Variants in HSP90B1 observed in about 807,000 individuals in gnomAD.
HSP90B1 encodes the protein heat shock protein 90 beta family member 1, also known as endoplasmin.
In HSP90B1, 27 loss-of-function variants were observed where a neutral mutation model predicts 100.4. The ratio of observed to expected loss-of-function variants is 0.27; its 90% CI spans 0.20 to 0.37. The LOEUF (loss-of-function observed/expected upper bound fraction) is 0.37. Among genes scored for constraint, HSP90B1 ranks in the 10% least tolerant of loss-of-function variants. The pLI is 1.00. For missense variants in HSP90B1, 678 were observed against 960.5 expected (o/e 0.71, Z 3.89); for synonymous variants, 304 against 330.8 (o/e 0.92, Z 0.88).
At position 103,932,857 on chromosome 12, in the gene HSP90B1, C is replaced by A; in HGVS notation, c.326C>A (p.Ser109Tyr). 6.2e-7 allele frequency: 1 copy of A among 1,601,464 alleles called. No individual in the cohort carries two copies. Residue 109 changes from serine (S) to tyrosine (Y), a missense_variant, in exon 4 of 18, where the codon TCT becomes TAT. Transcript: ENST00000299767. ...IFLRELISNA[S>Y]DALDKIRLIS... ...CTGAGAGAACTGATTTCAAATGCTT[C>A]TGATGCTTTAGATAAGATAAGGCTA... is the stretch of plus-strand genomic sequence containing the variant.
At position 103,930,626 on chromosome 12, in the gene HSP90B1, C is replaced by T. The variant is rs994228636; in HGVS notation, c.49+62C>T. On this transcript the variant is annotated intron_variant, in intron 1 of 17. Coordinates refer to ENST00000299767, the MANE Select transcript of HSP90B1 (RefSeq NM_003299.3). The surrounding 1 kb of genome is among the most constrained non-coding windows in gnomAD (Gnocchi z 4.4). ...CACACGCGGCCGCTTCTCGAAGGTC[C>T]TGGGGGCGTTGAACGTGGGAGGGGG... 3 of 1,528,460 alleles carry T rather than the reference C, an allele frequency of 2.0e-6. No individual in the cohort carries two copies. Among genetic ancestry groups the T allele is most frequent in the Non-Finnish European group, 2.7e-6 (3 of 1,127,248 alleles). 94.7% of individuals were successfully genotyped at this position (1,528,460 alleles called of 1,614,324 possible).
chr12:103,932,907 C>T lies in HSP90B1; in HGVS notation c.376C>T (p.Leu126Phe), dbSNP rs368880453. ...RLISLTDENA[L>F]SGNEELTVKI... The stretch of plus-strand genomic sequence containing the variant: ...AATATCACTGACTGATGAAAATGCT[C>T]TTTCTGGAAATGAGGAACTAACAGT... The change falls in exon 4 of 18, where the codon CTT becomes TTT. Residue 126 changes from leucine (L) to phenylalanine (F), a missense_variant. Physicochemically the swap from Leu to Phe is conservative, Grantham distance 22. Transcript: ENST00000299767. 3 of 1,597,100 alleles carry T rather than the reference C, an allele frequency of 1.9e-6. No individual in the cohort carries two copies. The highest frequency in any genetic ancestry group is 2.2e-5 in the East Asian group (1 of 44,780).
Position 103,930,438 on chromosome 12 carries a change from G to T in HSP90B1, c.-78G>T. On this transcript the variant is annotated 5_prime_UTR_variant, in exon 1 of 18. Transcript: ENST00000299767. This position sits in a 1 kb window ranked among gnomAD's most constrained non-coding sequence, Gnocchi z 4.4. ...GGGCGGACCGCGCGGCTGGAGGTGT[G>T]AGGATCCGAACCCAGGGGTGGGGGG... The T allele has an allele frequency of 7.1e-7, 1 of 1,399,410 alleles. No homozygotes were observed. Among genetic ancestry groups the T allele is most frequent in the Non-Finnish European group, 9.7e-7 (1 of 1,030,198 alleles). 86.7% of individuals were successfully genotyped at this position (1,399,410 alleles called of 1,614,324 possible).
In HSP90B1 at chr12:103,947,824, AT is replaced by A. The variant is rs545777688; in HGVS notation, c.*170del. 46 of 678,256 alleles carry A rather than the reference AT, an allele frequency of 6.8e-5. No homozygotes were observed. The highest frequency in any genetic ancestry group is 4.8e-4 in the Middle Eastern group (2 of 4,130). 42.0% of individuals were successfully genotyped at this position (678,256 alleles called of 1,614,324 possible). ...AGGAAAAAGTGGGTTTTTTAGTTGA[AT>A]TTTTTTTAACATTCCTCATGAATGT... On this transcript the variant is annotated 3_prime_UTR_variant, in exon 18 of 18. Transcript: ENST00000299767.
Position 103,934,204 on chromosome 12 carries a change from G to A in HSP90B1, c.660G>A (p.Gln220=). 1 of 1,614,180 alleles carries A rather than the reference G, an allele frequency of 6.2e-7. No individual in the cohort carries two copies. The highest frequency in any genetic ancestry group is 2.2e-5 in the East Asian group (1 of 44,884). Residue 220 remains glutamine (Q), a synonymous_variant, in exon 5 of 18, where the codon CAG becomes CAA. Coordinates refer to ENST00000299767, the MANE Select transcript of HSP90B1 (RefSeq NM_003299.3). ...CTTCAAAACACAACAACGATACCCA[G>A]CACATCTGGGAGTCTGACTCCAATG... ...IVTSKHNNDT[Q]HIWESDSNEF...
At chr12:103,935,276 A>G (rs1057157779) in intron 5 of HSP90B1, among the ~76,000 whole-genome samples, 6 of 152,228 alleles carry the variant, frequency 3.9e-5, no homozygotes, top group African/African-American at 1.4e-4. Context: ...TGTATGGGTG[A>G]GACAGAGCCA....
Position 103,931,628 on chromosome 12 carries a change from G to T in HSP90B1, c.152+5G>T. Reference sequence around the variant, plus strand: ...GGATGATGAAGTAGTACAGAGGTTTGTGTTCATTTGAACTTACGTATACAG... The same window carrying T: ...GGATGATGAAGTAGTACAGAGGTTTTTGTTCATTTGAACTTACGTATACAG... On this transcript the variant is annotated splice_donor_5th_base_variant and intron_variant, in intron 2 of 17. Coordinates refer to ENST00000299767, the MANE Select transcript of HSP90B1 (RefSeq NM_003299.3). The T allele has an allele frequency of 6.2e-7, 1 of 1,600,562 alleles. No individual in the cohort carries two copies. Among genetic ancestry groups the T allele is most frequent in the Non-Finnish European group, 8.6e-7 (1 of 1,168,124 alleles).
In HSP90B1 at chr12:103,932,927, A is replaced by C. The variant is rs756198804; in HGVS notation, c.396A>C (p.Leu132=). The C allele has an allele frequency of 1.9e-6, 3 of 1,546,632 alleles. No individual in the cohort carries two copies. Among genetic ancestry groups the C allele is most frequent in the African/African-American group, 2.7e-5 (2 of 73,562 alleles). The change falls in exon 4 of 18, where the codon CTA becomes CTC. Residue 132 remains leucine (L), a synonymous_variant. Transcript: ENST00000299767. ...ATGCTCTTTCTGGAAATGAGGAACT[A>C]ACAGTCAAAATTAAGGTAAGTGTAA... The part of the protein sequence containing the change: ...DENALSGNEE[L]TVKIKCDKEK...
Position 103,946,850 on chromosome 12 carries a change from G to A in HSP90B1, c.2171G>A (p.Arg724Gln), listed in dbSNP as rs760632547. 26 of 1,613,902 alleles carry A rather than the reference G, an allele frequency of 1.6e-5. No homozygotes were observed. The highest frequency in any genetic ancestry group is 3.3e-5 in the South Asian group (3 of 91,072). Reference sequence around the variant, plus strand: ...GTTTTGTTTGAAACAGCAACGCTTCGGTCAGGGTATCTTTTACCAGACACT... The same window carrying A: ...GTTTTGTTTGAAACAGCAACGCTTCAGTCAGGGTATCTTTTACCAGACACT... The part of the protein sequence containing the change: ...AVVLFETATL[R>Q]SGYLLPDTKA... The change falls in exon 16 of 18, where the codon CGG (arginine) becomes CAG (glutamine). Residue 724 changes from arginine to glutamine, a missense_variant. Arg to Gln is a conservative substitution (Grantham distance 43). Transcript: ENST00000299767.
intron 11 of HSP90B1, 42 bp from the exon 12 acceptor site, chr12:103,942,485 G>T: frequency 6.3e-7 from 1 of 1,585,356 alleles, no homozygotes; most frequent in South Asian, 1.1e-5. Context: ...TCAAAAGTTG[G>T]AGATTAACTT....
chr12:103,933,849 T>G, intron 4 of HSP90B1, 107 bp from the exon 5 acceptor site: 1 of 805,044 alleles, frequency 1.2e-6, no homozygotes, highest in South Asian at 1.8e-5. Flanking sequence ...CTCAGTTTAG[T>G]TTTCTGTATT....
chr12:103,941,287 G>C (rs1566167050), intron 8 of HSP90B1, 123 bp from the exon 9 acceptor site: 2 of 959,170 alleles, frequency 2.1e-6, no homozygotes, highest in African/African-American at 3.3e-5. Context: ...CCTCCCGCCA[G>C]TAAAGGAAAA....
chr12:103,938,944 A>G (rs1869998078), intron 7 of HSP90B1, among the ~76,000 whole-genome samples: 1 of 152,238 alleles, frequency 6.6e-6, no homozygotes, highest in African/African-American at 2.4e-5. Context: ...TTTTCAAGAA[A>G]CATTTTTGCT....
intron 10 of HSP90B1, 44 bp downstream of exon 10, chr12:103,941,750 T>A (rs769402412): frequency 6.2e-7 from 1 of 1,601,368 alleles, no homozygotes; most frequent in East Asian, 2.2e-5. Flanking sequence ...GTTGTGGGGG[T>A]CTGGCAGTGT....
intron 7 of HSP90B1, 85 bp downstream of exon 7, chr12:103,938,544 T>C: frequency 1.4e-6 from 2 of 1,461,428 alleles, no homozygotes; most frequent in Non-Finnish European, 1.8e-6. Context: ...ACTGGCTGAT[T>C]TGAAGTCAGC....
chr12:103,939,394 C>T lies in HSP90B1; in HGVS notation c.976-115C>T, dbSNP rs1279921605. ...CTAGGATTACAGGCGTGAGCCACCA[C>T]ACCAGTCCTCTGGGTCTTTACATAG... On this transcript the variant is annotated intron_variant, in intron 7 of 17. Transcript: ENST00000299767. 7.3e-6 allele frequency: 4 copies of T among 545,188 alleles called. No individual in the cohort carries two copies. In the Admixed American group the frequency reaches 9.4e-5, roughly 13 times the overall value. The allele number at this position is 545,188 out of a possible 1,614,324, so 33.8% of individuals were successfully genotyped here.
rs773080167 is a variant in HSP90B1, at chr12:103,946,689, G to A, written c.2099G>A (p.Arg700Gln). 1.1e-5 allele frequency: 17 copies of A among 1,613,860 alleles called. No homozygotes were observed. Among genetic ancestry groups the A allele is most frequent in the Middle Eastern group, 1.7e-4 (1 of 6,058 alleles). The change falls in exon 15 of 18, where the codon CGA becomes CAA. Residue 700 changes from arginine (R) to glutamine (Q), a missense_variant. This residue lies in a region of HSP90B1 where 64 missense variants were observed against 66.4 expected (regional missense o/e 0.96). Transcript: ENST00000299767. The stretch of plus-strand genomic sequence containing the variant: ...CCGCTGATCAGAGACATGCTTCGAC[G>A]AATTAAGGTAGTATTAAAGCAGTCC... ...RHPLIRDMLR[R>Q]IKEDEDDKTV...
chr12:103,942,937 C>T, intron 12 of HSP90B1, 137 bp from the exon 13 acceptor site: 2 of 1,419,160 alleles, frequency 1.4e-6, no homozygotes, highest in Non-Finnish European at 1.9e-6. Context: ...ACAGGAAGGT[C>T]ATTTATATTC....
In HSP90B1 at chr12:103,943,949, T is replaced by C; in HGVS notation, c.2027+75T>C. The C allele has an allele frequency of 7.8e-6, 11 of 1,408,790 alleles. No homozygotes were observed. Among genetic ancestry groups the C allele is most frequent in the Non-Finnish European group, 1.1e-5 (11 of 1,043,660 alleles). The allele number at this position is 1,408,790 out of a possible 1,614,324, so 87.3% of individuals were successfully genotyped here. ...CTTTGTTTTGGAGATAATACCAGCT[T>C]CAATACAAAGAGTAAAATTGCCTTA... On this transcript the variant is annotated intron_variant, in intron 14 of 17. Coordinates refer to ENST00000299767, the MANE Select transcript of HSP90B1 (RefSeq NM_003299.3). This position sits in a 1 kb window ranked among gnomAD's most constrained non-coding sequence, Gnocchi z 5.3.
Sources: gnomAD v4.1 joint callset for allele counts (sites outside exome capture counted in the v4.1 genomes callset) on GRCh38, gnomAD v4.1.1 for gene constraint, gnomAD v4.1.1 regional missense constraint, Gnocchi (gnomAD v3.1) non-coding constraint, MANE v1.5 for transcripts, NCBI Gene and HGNC (gene_info 2026-07-23, HGNC 2026-07-21) for gene names.